The following ZFHX3 variants were observed in gnomAD, a reference collection of about 807,000 sequenced individuals.
ZFHX3 encodes zinc finger homeobox protein 3.
Under a neutral mutation model 279.1 loss-of-function variants are expected in ZFHX3, and 42 were observed. The observed-to-expected ratio is 0.15, with a 90% confidence interval of 0.12 to 0.19. The LOEUF (loss-of-function observed/expected upper bound fraction) is 0.19, where lower values mean the gene tolerates loss of function less well. ZFHX3 is among the 10% of genes least tolerant of loss of function. The probability of loss-of-function intolerance (pLI) is 1.00; values close to 1 mark genes in which losing one functional copy is unlikely to be tolerated. For missense variants in ZFHX3, 4,981 were observed against 4,754.0 expected (o/e 1.05, Z -1.40); for synonymous variants, 2,293 against 1,957.8 (o/e 1.17, Z -4.52).
chr16:73,553,509 G>A (rs1215296808), intron 2 of ZFHX3, among the ~76,000 whole-genome samples: 1 of 152,142 alleles, frequency 6.6e-6, no homozygotes, highest in Non-Finnish European at 1.5e-5. Context: ...GCTCTGGTCT[G>A]TCCTTTGAAA....
intron 1 of ZFHX3, among the ~76,000 whole-genome samples, chr16:73,819,947 T>A (rs933027610): frequency 1.3e-5 from 2 of 152,154 alleles, no homozygotes; most frequent in Admixed American, 1.3e-4. Flanking sequence ...CACGACAATG[T>A]CTCTCATCCC....
chr16:73,019,550 A>G (rs980015383), intron 1 of ZFHX3, among the ~76,000 whole-genome samples: 2 of 152,046 alleles, frequency 1.3e-5, no homozygotes, highest in African/African-American at 4.8e-5. Context: ...AGGGAACAGC[A>G]CTTTGCCTCC....
chr16:72,972,338 C>T (rs912438316), intron 1 of ZFHX3, among the ~76,000 whole-genome samples: 3 of 152,122 alleles, frequency 2.0e-5, no homozygotes, highest in Admixed American at 2.0e-4. Flanking sequence ...GAGAGTCTGA[C>T]CTACTTACAC....
chr16:73,256,477 C>T (rs1379959474), intron 5 of ZFHX3, among the ~76,000 whole-genome samples: 1 of 152,152 alleles, frequency 6.6e-6, no homozygotes, highest in Non-Finnish European at 1.5e-5. Context: ...TCCCAATCAC[C>T]TGGAGACTTC....
chr16:73,119,609 C>G (rs1392260177), intron 7 of ZFHX3, among the ~76,000 whole-genome samples: 2 of 152,212 alleles, frequency 1.3e-5, no homozygotes, highest in African/African-American at 2.4e-5. Context: ...CCATGTGAGC[C>G]AACAGGCATC....
intron 5 of ZFHX3, among the ~76,000 whole-genome samples, chr16:73,151,818 A>C (rs1966948570): frequency 2.0e-5 from 3 of 152,146 alleles, no homozygotes; most frequent in African/African-American, 7.2e-5. Context: ...CGGGGGCTAC[A>C]CAAAGAAAAG....
intron 5 of ZFHX3, among the ~76,000 whole-genome samples, chr16:73,220,243 A>G (rs1463765811): frequency 6.6e-6 from 1 of 152,190 alleles, no homozygotes; most frequent in East Asian, 1.9e-4. Context: ...ACTTTTGGGT[A>G]CTATGCTTAC....
intron 8 of ZFHX3, among the ~76,000 whole-genome samples, chr16:73,068,969 C>T (rs973025455): frequency 1.3e-5 from 2 of 152,178 alleles, no homozygotes; most frequent in Non-Finnish European, 2.9e-5. Context: ...CGGGTACTGA[C>T]CACCCCTTTG....
chr16:72,877,986 G>C (rs1053139622), intron 4 of ZFHX3, among the ~76,000 whole-genome samples: 1 of 152,136 alleles, frequency 6.6e-6, no homozygotes, highest in African/African-American at 2.4e-5. Flanking sequence ...CTTGAGGCCA[G>C]GAGTTCAAGA....
rs371922710 is a variant in ZFHX3, at chr16:72,959,929, C to T, written c.217G>A (p.Glu73Lys). The T allele has an allele frequency of 1.1e-4, 180 of 1,598,706 alleles. No individual in the cohort carries two copies. The highest frequency in any genetic ancestry group is 8.4e-4 in the South Asian group (75 of 88,804). ...CAGGTGACCTCCTTGCTGGCGGGCT[C>T]GGAGGGGGGCCCGGCCGACGCGGTG... Reference protein sequence around the residue: ...ESTASAGPPSEPASKEVTCNE... With the variant: ...ESTASAGPPSKPASKEVTCNE... The change falls in exon 2 of 10, where the codon GAG (glutamate) becomes AAG (lysine). Residue 73 changes from glutamate to lysine, a missense_variant. Glu to Lys is a moderately conservative substitution (Grantham distance 56, BLOSUM62 1). Coordinates refer to ENST00000268489, the MANE Select transcript of ZFHX3 (RefSeq NM_006885.4).
At chr16:73,543,877 C>CGAGAGAGGGAGAGAGAGAGA (rs942887605) in intron 2 of ZFHX3, 1 of 101,676 alleles carries the variant, frequency 9.8e-6, no homozygotes, top group Non-Finnish European at 1.9e-5. Flanking sequence ...AGAGAGAGAG[C>CGAGAGAGGGAGAGAGAGAGA]GAGAGAGGGA....
chr16:73,669,056 T>TC (rs1166198772), intron 2 of ZFHX3, among the ~76,000 whole-genome samples: 7 of 151,386 alleles, frequency 4.6e-5, no homozygotes, highest in Non-Finnish European at 3.0e-5. Flanking sequence ...TATTATTTTT[T>TC]TTCTTTTCTA....
At chr16:73,380,067 G>C (rs1357827056) in intron 3 of ZFHX3, among the ~76,000 whole-genome samples, 2 of 152,138 alleles carry the variant, frequency 1.3e-5, no homozygotes, top group Non-Finnish European at 2.9e-5. Context: ...AAGCACAAGA[G>C]AAAGCAAAAG....
chr16:73,796,664 A>T (rs1486884646), intron 1 of ZFHX3: 1 of 152,296 alleles, frequency 6.6e-6, no homozygotes, highest in Admixed American at 6.5e-5. Flanking sequence ...GGACAGCAGC[A>T]GGTCAAGGTC....
intron 3 of ZFHX3, among the ~76,000 whole-genome samples, chr16:73,445,280 G>GTATA (rs146186514): frequency 2.7e-3 from 411 of 149,658 alleles, no homozygotes; most frequent in Middle Eastern, 6.9e-3. Context: ...GTATATATGT[G>GTATA]TGTATATATA....
intron 5 of ZFHX3, among the ~76,000 whole-genome samples, chr16:73,167,114 G>A (rs1230314903): frequency 1.3e-5 from 2 of 152,202 alleles, no homozygotes; most frequent in Admixed American, 1.3e-4. Context: ...GCTGTTGGAT[G>A]GTTAATGTTT....
chr16:73,536,158 G>A (rs960151548), intron 2 of ZFHX3, among the ~76,000 whole-genome samples: 1 of 152,106 alleles, frequency 6.6e-6, no homozygotes, highest in African/African-American at 2.4e-5. Context: ...GTGCAGTCAG[G>A]CACACCGATT....
intron 1 of ZFHX3, among the ~76,000 whole-genome samples, chr16:73,709,795 G>A (rs1439058849): frequency 1.3e-5 from 2 of 152,010 alleles, no homozygotes; most frequent in African/African-American, 2.4e-5. Flanking sequence ...ACGAAAAAAT[G>A]GTAAGTATGT....
chr16:73,209,462 A>T (rs927168573), intron 5 of ZFHX3, among the ~76,000 whole-genome samples: 1 of 152,144 alleles, frequency 6.6e-6, no homozygotes, highest in Non-Finnish European at 1.5e-5. Flanking sequence ...TGAATGCCGC[A>T]TCCTTTTATA....
Sources: allele counts gnomAD v4.1 joint callset (sites outside exome capture counted in the v4.1 genomes callset), GRCh38; gene constraint gnomAD v4.1.1; transcripts MANE v1.5; gene names NCBI Gene and HGNC (gene_info 2026-07-23, HGNC 2026-07-21).